The following CDC5L variants were observed in gnomAD, a reference collection of about 807,000 sequenced individuals.
The protein encoded by CDC5L is cell division cycle 5-like protein.
CDC5L carries 18 observed loss-of-function variants against 104.1 expected under a neutral mutation model. The ratio of observed to expected loss-of-function variants is 0.17; its 90% CI spans 0.12 to 0.26. CDC5L has a LOEUF of 0.26. Among genes scored for constraint, CDC5L ranks in the 10% least tolerant of loss-of-function variants. CDC5L has a pLI of 1.00. For missense variants in CDC5L, 673 were observed against 956.9 expected (o/e 0.70, Z 3.91); for synonymous variants, 331 against 322.7 (o/e 1.03, Z -0.28).
intron 14 of CDC5L, among the ~76,000 whole-genome samples, chr6:44,431,700 G>A (rs1046341960): frequency 6.6e-6 from 1 of 152,090 alleles, no homozygotes; most frequent in Non-Finnish European, 1.5e-5. Context: ...ACAGTGAGTG[G>A]TGCCATAAAG....
intron 6 of CDC5L, among the ~76,000 whole-genome samples, chr6:44,406,019 A>T (rs907957269): frequency 2.0e-5 from 3 of 151,780 alleles, no homozygotes; most frequent in African/African-American, 7.3e-5. Flanking sequence ...CTCCTGCCTC[A>T]GCCTCCCGAG....
intron 5 of CDC5L, 95 bp from the exon 6 acceptor site, chr6:44,403,714 C>A: frequency 1.2e-6 from 1 of 831,028 alleles, no homozygotes; most frequent in Non-Finnish European, 1.8e-6. Context: ...CTATTTCTTC[C>A]CCAAATAAAT....
chr6:44,443,710 T>C (rs539144201), intron 14 of CDC5L, among the ~76,000 whole-genome samples: 1 of 152,098 alleles, frequency 6.6e-6, no homozygotes, highest in South Asian at 2.1e-4. Context: ...TTTCTGTCTC[T>C]TTGTGGAAGT....
intron 8 of CDC5L, among the ~76,000 whole-genome samples, chr6:44,418,287 G>A (rs1387194037): frequency 2.0e-5 from 3 of 152,096 alleles, no homozygotes; most frequent in East Asian, 1.9e-4. Flanking sequence ...GAGAATGATG[G>A]TTTCCAATTT....
At chr6:44,393,164 GTTTTTTTTTTT>G (rs773786751) in intron 3 of CDC5L, among the ~76,000 whole-genome samples, 1 of 107,220 alleles carries the variant, frequency 9.3e-6, no homozygotes, top group African/African-American at 3.3e-5. Flanking sequence ...TTTACTAATA[GTTTTTTTTTTT>G]TTTTTTTTTT....
chr6:44,411,048 C>T lies in CDC5L; in HGVS notation c.1092+2416C>T, dbSNP rs539673760. 1.6e-3 allele frequency among the ~76,000 whole-genome samples: 241 copies of T among 149,606 alleles called. 6 individuals are homozygous for T. Among genetic ancestry groups the T allele is most frequent in the Non-Finnish European group, 5.9e-5 (4 of 67,298 alleles). On this transcript the variant is annotated intron_variant, in intron 8 of 15. Transcript: ENST00000371477. ...CTCTTATTTCATGAGTATCTTATTT[C>T]TCTGAGGCTGTTAATGATGGTTTTG...
At chr6:44,416,918 A>C (rs1212707940) in intron 8 of CDC5L, among the ~76,000 whole-genome samples, 1 of 152,224 alleles carries the variant, frequency 6.6e-6, no homozygotes, top group Non-Finnish European at 1.5e-5. Flanking sequence ...TATATTTGGA[A>C]TAGCAAAAAG....
At chr6:44,426,300 C>T (rs1489729203) in intron 12 of CDC5L, 117 bp downstream of exon 12, 2 of 784,016 alleles carry the variant, frequency 2.6e-6, no homozygotes, top group Non-Finnish European at 4.1e-6. Flanking sequence ...TGGAATATAG[C>T]AAAGTAGTTC....
chr6:44,440,243 T>TC (rs1491366314), intron 14 of CDC5L, among the ~76,000 whole-genome samples: 22 of 130,412 alleles, frequency 1.7e-4, no homozygotes, highest in Non-Finnish European at 3.5e-4. Context: ...TGACTTAGAC[T>TC]TTTTTTTTTT....
rs1792432127 is a variant in CDC5L at position 44,426,556 on chromosome 6, C to A, written c.1725C>A (p.Ile575=). The part of the protein sequence containing the change: ...LTDLQKSEEL[I]KKEMITMLHY... ...ATTTACAGAAAAGTGAAGAACTAAT[C>A]AAAAAAGAAATGATCACAATGCTTC... The change falls in exon 13 of 16, where the codon ATC becomes ATA. Residue 575 remains isoleucine, a synonymous_variant. Coordinates refer to ENST00000371477, the MANE Select transcript of CDC5L (RefSeq NM_001253.4). 1.9e-6 allele frequency: 3 copies of A among 1,611,156 alleles called. No individual in the cohort carries two copies. Among genetic ancestry groups the A allele is most frequent in the Admixed American group, 1.7e-5 (1 of 59,924 alleles).
intron 5 of CDC5L, among the ~76,000 whole-genome samples, chr6:44,399,155 G>C (rs1791004535): frequency 6.6e-6 from 1 of 152,150 alleles, no homozygotes; most frequent in Non-Finnish European, 1.5e-5. Context: ...GTCTCGCTAT[G>C]TTGCCCAGGC....
rs531464134 is a variant in CDC5L at position 44,423,302 on chromosome 6, C to G, written c.1404+493C>G. Among the ~76,000 whole-genome samples, 4 of 152,238 alleles carry G rather than the reference C, an allele frequency of 2.6e-5. No homozygotes were observed. In the East Asian group the frequency reaches 5.8e-4, roughly 22 times the overall value. On this transcript the variant is annotated intron_variant, in intron 10 of 15. Transcript: ENST00000371477. ...AAATTGATATCAACTAAAGCCAACT[C>G]TGAATGGATACATAAGAATTAAATA...
intron 8 of CDC5L, among the ~76,000 whole-genome samples, chr6:44,417,103 A>G (rs770765480): frequency 6.6e-6 from 1 of 152,188 alleles, no homozygotes; most frequent in Non-Finnish European, 1.5e-5. Flanking sequence ...CAGACAGGGC[A>G]CAGAAGGAGT....
At chr6:44,407,965 C>A (rs1373920349) in intron 7 of CDC5L, among the ~76,000 whole-genome samples, 1 of 152,018 alleles carries the variant, frequency 6.6e-6, no homozygotes, top group Non-Finnish European at 1.5e-5. Flanking sequence ...AATTGGTTTT[C>A]AGTCTTCCTC....
In CDC5L at chr6:44,447,802, T is replaced by C. The variant is rs902441540; in HGVS notation, c.*1091T>C. The C allele has an allele frequency of 3.3e-5, 5 of 152,242 alleles. No individual in the cohort carries two copies. Among genetic ancestry groups the C allele is most frequent in the Non-Finnish European group, 5.9e-5 (4 of 68,034 alleles). 9.4% of individuals were successfully genotyped at this position (152,242 alleles called of 1,614,324 possible). A position where few individuals can be genotyped will look rare whatever the true frequency, so the allele number is the denominator to read the frequency against. ...CCAAATGTTTATTTGGTGATTCTTA[T>C]GTGTCAGACACTTAAGTGTTGGGAG... On this transcript the variant is annotated 3_prime_UTR_variant, in exon 16 of 16. Transcript: ENST00000371477.
At chr6:44,389,235 T>C (rs1273792440) in intron 1 of CDC5L, among the ~76,000 whole-genome samples, 3 of 152,204 alleles carry the variant, frequency 2.0e-5, no homozygotes, top group Non-Finnish European at 4.4e-5. Context: ...CAATGAAAAC[T>C]GCCTCAGCTT....
At chr6:44,424,385 G>A in intron 10 of CDC5L, 34 bp from the exon 11 acceptor site, 3 of 1,591,298 alleles carry the variant, frequency 1.9e-6, no homozygotes, top group Non-Finnish European at 2.6e-6. Context: ...TGTTTAATAT[G>A]CATGAATTGA....
At position 44,422,842 on chromosome 6, in the gene CDC5L, T is replaced by A. The variant is rs1438112371; in HGVS notation, c.1404+33T>A. 2.1e-6 allele frequency: 3 copies of A among 1,433,074 alleles called. No homozygotes were observed. In the African/African-American group the frequency reaches 4.3e-5, roughly 21 times the overall value. 88.8% of individuals were successfully genotyped at this position (1,433,074 alleles called of 1,614,324 possible). A position where few individuals can be genotyped will look rare whatever the true frequency, so the allele number is the denominator to read the frequency against. ...TCAATTCCCTTTTAATACTCTTAAA[T>A]TTTTTTTTAATATCTCATGGATGCC... is the stretch of plus-strand genomic sequence containing the variant. On this transcript the variant is annotated intron_variant, in intron 10 of 15. Coordinates refer to ENST00000371477, the MANE Select transcript of CDC5L (RefSeq NM_001253.4).
Position 44,426,665 on chromosome 6 carries a change from C to T in CDC5L, c.1834C>T (p.His612Tyr), listed in dbSNP as rs768092543. The T allele has an allele frequency of 6.2e-7, 1 of 1,612,324 alleles. No individual in the cohort carries two copies. Among genetic ancestry groups the T allele is most frequent in the African/African-American group, 1.3e-5 (1 of 74,980 alleles). ...AGGGTTTGGTACCAATAATTCAGAG[C>T]ACATTACCTATCTGGAACATAATCC... ...TVGFGTNNSE[H>Y]ITYLEHNPYE... Residue 612 changes from histidine to tyrosine, a missense_variant, in exon 13 of 16, where the codon CAC becomes TAC. Transcript: ENST00000371477.
Sources: allele counts gnomAD v4.1 joint callset (sites outside exome capture counted in the v4.1 genomes callset), GRCh38; gene constraint gnomAD v4.1.1; transcripts MANE v1.5; gene names NCBI Gene and HGNC (gene_info 2026-07-23, HGNC 2026-07-21).